Variants in MYO7A observed in about 807,000 individuals in gnomAD.
MYO7A encodes myosin VIIA.
A neutral mutation model predicts 263.8 loss-of-function variants in MYO7A; 210 were observed. The observed-to-expected ratio is 0.80, with a 90% confidence interval of 0.71 to 0.89. The LOEUF (loss-of-function observed/expected upper bound fraction) is 0.89. Ranked by LOEUF, MYO7A falls within the 40% of genes least tolerant of loss-of-function variation. MYO7A has a pLI of 0.00. For missense variants in MYO7A, 2,820 were observed against 2,968.3 expected (o/e 0.95, Z 1.16); for synonymous variants, 1,239 against 1,197.3 (o/e 1.03, Z -0.72).
At position 77,147,883 on chromosome 11, in the gene MYO7A, TG is replaced by T. The variant is rs876657415; in HGVS notation, c.223del (p.Asp75ThrfsTer31). ...SVHGVEDMIRLGDLNEAGILR... is the reference protein window; with the variant it reads ...SVHGVEDMIRXGDLNEAGILR... ...CACGGCGTGGAGGACATGATCCGCC[TG>T]GGGGACCTCAACGAGGCGGGCATCT... On this transcript the variant is annotated frameshift_variant, in exon 4 of 49. Transcript: ENST00000409709. LOFTEE classifies it high-confidence loss of function. 1 of 1,599,112 alleles carries T rather than the reference TG, an allele frequency of 6.3e-7. No individual in the cohort carries two copies. Among genetic ancestry groups the T allele is most frequent in the Non-Finnish European group, 8.5e-7 (1 of 1,173,822 alleles).
At chr11:77,195,617 G>C (rs1211514265) in intron 32 of MYO7A, among the ~76,000 whole-genome samples, 4 of 152,242 alleles carry the variant, frequency 2.6e-5, no homozygotes, top group Admixed American at 2.6e-4. Flanking sequence ...TGGAGACACA[G>C]CCCTTTGTGG....
rs782376276 is a variant in MYO7A, at chr11:77,177,689, T to C, written c.2282+46T>C. ...CTCCCCTCCTCAGCCCACATACAGG[T>C]GTACGTGTGGTGTTTGGCTCTCCTC... On this transcript the variant is annotated intron_variant, in intron 19 of 48. Coordinates refer to ENST00000409709, the MANE Select transcript of MYO7A (RefSeq NM_000260.4). 2.3e-5 allele frequency: 34 copies of C among 1,508,402 alleles called. No homozygotes were observed. The South Asian group carries it at 3.8e-4, about 17-fold the overall frequency. The allele number at this position is 1,508,402 out of a possible 1,614,324, so 93.4% of individuals were successfully genotyped here. A position where few individuals can be genotyped will look rare whatever the true frequency, so the allele number is the denominator to read the frequency against.
intron 41 of MYO7A, among the ~76,000 whole-genome samples, chr11:77,206,443 C>T (rs1957451809): frequency 2.0e-5 from 3 of 152,220 alleles, no homozygotes; most frequent in African/African-American, 7.2e-5. Flanking sequence ...GCCCCTCCCT[C>T]CCTGTCTCTG....
At chr11:77,167,348 G>A (rs1262319288) in intron 15 of MYO7A, among the ~76,000 whole-genome samples, 3 of 152,122 alleles carry the variant, frequency 2.0e-5, no homozygotes, top group Non-Finnish European at 4.4e-5. Context: ...CCTGGTGGGC[G>A]CCTATGGCCA....
chr11:77,146,433 C>T (rs893280592), intron 3 of MYO7A, among the ~76,000 whole-genome samples: 4 of 152,064 alleles, frequency 2.6e-5, no homozygotes, highest in Non-Finnish European at 5.9e-5. Flanking sequence ...AGCAAGAGGC[C>T]GGGGCCGGGC....
rs782147962 is a variant in MYO7A at position 77,147,896 on chromosome 11, C to T, written c.231C>T (p.Asn77=). The T allele has an allele frequency of 6.3e-7, 1 of 1,587,844 alleles. No individual in the cohort carries two copies. Among genetic ancestry groups the T allele is most frequent in the Non-Finnish European group, 8.6e-7 (1 of 1,168,194 alleles). The part of the protein sequence containing the change: ...VEDMIRLGDL[N]EAGILRNLLI... ...ACATGATCCGCCTGGGGGACCTCAA[C>T]GAGGCGGGCATCTTGCGCAACCTGC... is the stretch of plus-strand genomic sequence containing the variant. Residue 77 remains asparagine (N), a synonymous_variant, in exon 4 of 49, where the codon AAC becomes AAT. Transcript: ENST00000409709.
rs1027585527 is a variant in MYO7A at position 77,190,592 on chromosome 11, G to A, written c.3751-105G>A. The A allele has an allele frequency of 1.1e-5, 15 of 1,307,874 alleles. No individual in the cohort carries two copies. The Admixed American group carries it at 1.7e-4, about 15-fold the overall frequency. The allele number at this position is 1,307,874 out of a possible 1,614,324, so 81.0% of individuals were successfully genotyped here. A position where few individuals can be genotyped will look rare whatever the true frequency, so the allele number is the denominator to read the frequency against. Reference sequence around the variant, plus strand: ...TCCCAGTGAGGTACTGGGGCCTGGGGTGCTGGGGCACCTCCAACCCCACAG... The same window carrying A: ...TCCCAGTGAGGTACTGGGGCCTGGGATGCTGGGGCACCTCCAACCCCACAG... On this transcript the variant is annotated intron_variant, in intron 29 of 48. Transcript: ENST00000409709.
chr11:77,171,170 C>T (rs1370740887), intron 15 of MYO7A, among the ~76,000 whole-genome samples: 2 of 152,200 alleles, frequency 1.3e-5, no homozygotes, highest in African/African-American at 2.4e-5. Flanking sequence ...GGTGTGCGTG[C>T]GCGTGTGTGT....
chr11:77,142,568 A>G (rs1951281205), intron 2 of MYO7A, 141 bp from the exon 3 acceptor site: 1 of 737,314 alleles, frequency 1.4e-6, no homozygotes, highest in Admixed American at 2.0e-5. Context: ...GAAGGTTGCT[A>G]GTAAGTGTGA....
At chr11:77,193,747 G>A (rs1956422173) in intron 31 of MYO7A, among the ~76,000 whole-genome samples, 2 of 152,138 alleles carry the variant, frequency 1.3e-5, no homozygotes, top group South Asian at 4.1e-4. Flanking sequence ...GAGCCCTGGG[G>A]AGCTCTAGGT....
chr11:77,184,521 G>C (rs1955514516), intron 26 of MYO7A, 67 bp from the exon 27 acceptor site: 2 of 1,412,292 alleles, frequency 1.4e-6, no homozygotes, highest in South Asian at 2.5e-5. Flanking sequence ...AGCCTCGGGT[G>C]CTGGTGCCCT....
At chr11:77,187,293 C>T (rs10437740) in intron 27 of MYO7A, among the ~76,000 whole-genome samples, 19,587 of 152,052 alleles carry the variant, frequency 0.13, 1,623 homozygotes, top group African/African-American at 0.23. Context: ...CATGCAGAGT[C>T]GTCATAAACC....
intron 35 of MYO7A, 135 bp from the exon 36 acceptor site, chr11:77,201,313 T>A (rs1957046854): frequency 2.4e-6 from 2 of 844,644 alleles, no homozygotes; most frequent in Non-Finnish European, 3.8e-6. Flanking sequence ...GGTCTCTGTA[T>A]GGAGAGTTGT....
At chr11:77,194,060 G>T (rs1294900091) in intron 31 of MYO7A, 1 of 601,268 alleles carries the variant, frequency 1.7e-6, no homozygotes, top group Admixed American at 2.1e-5. Context: ...TGCTCGATGG[G>T]CTGGCTTGTT....
intron 45 of MYO7A, 122 bp downstream of exon 45, chr11:77,211,459 T>C: frequency 8.8e-7 from 1 of 1,134,684 alleles, no homozygotes. Flanking sequence ...TTCTTGTACT[T>C]GATGAGGCCG....
intron 9 of MYO7A, 40 bp from the exon 10 acceptor site, chr11:77,159,407 A>ACCCT (rs1189115302): frequency 4.7e-6 from 2 of 426,928 alleles, no homozygotes; most frequent in East Asian, 9.5e-5. Flanking sequence ...CCTGTTGCCC[A>ACCCT]CCCTCCCTCC....
intron 2 of MYO7A, among the ~76,000 whole-genome samples, chr11:77,140,481 G>GT (rs1555049967): frequency 6.6e-6 from 1 of 152,230 alleles, no homozygotes; most frequent in African/African-American, 2.4e-5. Flanking sequence ...GAGAGAAATT[G>GT]GAGACAGTCC....
At chr11:77,170,733 G>A (rs1253596330) in intron 15 of MYO7A, among the ~76,000 whole-genome samples, 3 of 152,202 alleles carry the variant, frequency 2.0e-5, no homozygotes, top group African/African-American at 4.8e-5. Context: ...GGCCTGGAAT[G>A]TGGGGGATGG....
chr11:77,144,507 G>T (rs1199345451), intron 3 of MYO7A, among the ~76,000 whole-genome samples: 5 of 152,146 alleles, frequency 3.3e-5, no homozygotes, highest in Admixed American at 6.5e-5. Flanking sequence ...GGCATGACTG[G>T]CTGGCAGGGG....
Sources: allele counts gnomAD v4.1 joint callset (sites outside exome capture counted in the v4.1 genomes callset), GRCh38; gene constraint gnomAD v4.1.1; transcripts MANE v1.5; gene names NCBI Gene and HGNC (gene_info 2026-07-23, HGNC 2026-07-21).